The following PIK3CA variants were observed in gnomAD, a reference collection of about 807,000 sequenced individuals.
The protein encoded by PIK3CA is phosphatidylinositol-4,5-bisphosphate 3-kinase catalytic subunit alpha.
Under a neutral mutation model 138.2 loss-of-function variants are expected in PIK3CA, and 27 were observed. The ratio of observed to expected loss-of-function variants is 0.20; its 90% CI spans 0.14 to 0.27. The LOEUF is 0.27. PIK3CA is among the 10% of genes least tolerant of loss of function. PIK3CA has a pLI of 1.00. For missense variants in PIK3CA, 544 were observed against 1,277.4 expected (o/e 0.43, Z 8.75); for synonymous variants, 358 against 413.2 (o/e 0.87, Z 1.62).
chr3:179,234,077 GTTC>G lies in PIK3CA; in HGVS notation c.2937-14_2937-12del, dbSNP rs761693033. On this transcript the variant is annotated splice_polypyrimidine_tract_variant and intron_variant, in intron 20 of 20. Transcript: ENST00000263967. This position sits in a 1 kb window ranked among gnomAD's most constrained non-coding sequence, Gnocchi z 5.1. ...TCATTTGCTCCAAACTGACCAAACT[GTTC>G]TTATTACTTATAGGTTTCAGGAGAT... 36 of 1,584,690 alleles carry G rather than the reference GTTC, an allele frequency of 2.3e-5. No homozygotes were observed. The highest frequency in any genetic ancestry group is 1.1e-4 in the African/African-American group (8 of 74,126).
chr3:179,224,881 GAT>G (rs764116522), intron 16 of PIK3CA, 60 bp downstream of exon 16: 11 of 1,228,552 alleles, frequency 9.0e-6, no homozygotes, highest in Non-Finnish European at 1.3e-5. Flanking sequence ...TTATACACAG[GAT>G]ATTTATGAAC....
chr3:179,157,196 T>G (rs1723159109), intron 1 of PIK3CA, among the ~76,000 whole-genome samples: 1 of 152,192 alleles, frequency 6.6e-6, no homozygotes, highest in Admixed American at 6.5e-5. Flanking sequence ...AATGTCATTT[T>G]AAAGTTATAT....
intron 1 of PIK3CA, among the ~76,000 whole-genome samples, chr3:179,166,692 T>G (rs1723428899): frequency 6.6e-6 from 1 of 152,220 alleles, no homozygotes; most frequent in South Asian, 2.1e-4. Context: ...CTGCAACAAT[T>G]AAGGCAAACA....
intron 1 of PIK3CA, among the ~76,000 whole-genome samples, chr3:179,188,307 T>C (rs762600306): frequency 2.0e-5 from 3 of 152,232 alleles, no homozygotes; most frequent in Non-Finnish European, 4.4e-5. Context: ...TTAGCTTTTG[T>C]CCTTTTCTTT....
At chr3:179,164,450 C>G (rs1723364449) in intron 1 of PIK3CA, among the ~76,000 whole-genome samples, 3 of 152,140 alleles carry the variant, frequency 2.0e-5, no homozygotes. Context: ...GGGAAGCACT[C>G]TAGAAAGGAA....
chr3:179,162,139 G>A (rs1420019450), intron 1 of PIK3CA, among the ~76,000 whole-genome samples: 1 of 151,990 alleles, frequency 6.6e-6, no homozygotes, highest in Non-Finnish European at 1.5e-5. Context: ...ACAGAAATCT[G>A]AAACATGATG....
At chr3:179,190,059 C>T (rs1724088345) in intron 1 of PIK3CA, among the ~76,000 whole-genome samples, 1 of 152,158 alleles carries the variant, frequency 6.6e-6, no homozygotes, top group Non-Finnish European at 1.5e-5. Context: ...TACTTGCTTC[C>T]TGTGCATCTC....
At chr3:179,168,875 T>G (rs1723482566) in intron 1 of PIK3CA, among the ~76,000 whole-genome samples, 1 of 152,188 alleles carries the variant, frequency 6.6e-6, no homozygotes, top group African/African-American at 2.4e-5. Context: ...ACCTTTATCA[T>G]GTAACACATT....
intron 4 of PIK3CA, 67 bp downstream of exon 4, chr3:179,201,607 G>C: frequency 1.3e-6 from 1 of 793,694 alleles, no homozygotes; most frequent in Non-Finnish European, 1.8e-6. Flanking sequence ...ATGAGTATCT[G>C]TATTTTTTTT....
chr3:179,183,865 A>G (rs1406261195), intron 1 of PIK3CA, among the ~76,000 whole-genome samples: 2 of 152,210 alleles, frequency 1.3e-5, no homozygotes, highest in Admixed American at 6.5e-5. Context: ...TCCTTGTTGT[A>G]TATTAAATAC....
intron 6 of PIK3CA, among the ~76,000 whole-genome samples, chr3:179,207,549 CTTTT>C (rs199712520): frequency 2.3e-4 from 32 of 141,442 alleles, no homozygotes; most frequent in Non-Finnish European, 4.5e-4. Flanking sequence ...TTTTTCTTTT[CTTTT>C]TTTTTTTTTT....
Position 179,198,759 on chromosome 3 carries a change from T to C in PIK3CA, c.-67T>C. 1.2e-6 allele frequency: 1 copy of C among 864,236 alleles called. No homozygotes were observed. The highest frequency in any genetic ancestry group is 1.8e-6 in the Non-Finnish European group (1 of 570,696). 53.5% of individuals were successfully genotyped at this position (864,236 alleles called of 1,614,324 possible). A position where few individuals can be genotyped will look rare whatever the true frequency, so the allele number is the denominator to read the frequency against. On this transcript the variant is annotated 5_prime_UTR_variant, in exon 2 of 21. Transcript: ENST00000263967. ...TCCTTCTTTGATTTAGGTTTCTGCT[T>C]TGGGACAACCATACATCTAATTCCT...
intron 5 of PIK3CA, 48 bp downstream of exon 5, chr3:179,203,837 T>C (rs372932652): frequency 2.1e-6 from 3 of 1,417,332 alleles, no homozygotes; most frequent in Non-Finnish European, 2.9e-6. Flanking sequence ...TTATTTTAGA[T>C]AACCTTTTTC....
chr3:179,237,704 C>A lies in PIK3CA; in HGVS notation c.*3340C>A. 1 of 211,254 alleles carries A rather than the reference C, an allele frequency of 4.7e-6. No individual in the cohort carries two copies. The highest frequency in any genetic ancestry group is 9.6e-6 in the Non-Finnish European group (1 of 104,120). 13.1% of individuals were successfully genotyped at this position (211,254 alleles called of 1,614,324 possible). A position where few individuals can be genotyped will look rare whatever the true frequency, so the allele number is the denominator to read the frequency against. ...TTTGAAAGGCATCATGGAAATTTCA[C>A]AGCACAATAACACGGATTTGTTTTT... On this transcript the variant is annotated 3_prime_UTR_variant, in exon 21 of 21. Transcript: ENST00000263967.
chr3:179,199,558 G>C, intron 2 of PIK3CA, 132 bp from the exon 3 acceptor site: 1 of 571,946 alleles, frequency 1.7e-6, no homozygotes, highest in South Asian at 3.0e-5. Context: ...TCAAAAATTT[G>C]TTTTAACCTA....
rs1722910390 is a variant in PIK3CA at position 179,148,438 on chromosome 3, C to G, written c.-242C>G. On this transcript the variant is annotated 5_prime_UTR_variant, in exon 1 of 21. Coordinates refer to ENST00000263967, the MANE Select transcript of PIK3CA (RefSeq NM_006218.4). ...CTGGGACTGGGGCTGGGGCCGCCGG[C>G]GAGGCAGGGCTCGGGCCCGGCCGGG... The G allele has an allele frequency of 6.7e-6, 1 of 150,178 alleles. No homozygotes were observed. The highest frequency in any genetic ancestry group is 6.6e-5 in the Admixed American group (1 of 15,078). 9.3% of individuals were successfully genotyped at this position (150,178 alleles called of 1,614,324 possible). A position where few individuals can be genotyped will look rare whatever the true frequency, so the allele number is the denominator to read the frequency against.
At chr3:179,228,019 A>G (rs979488702) in intron 17 of PIK3CA, among the ~76,000 whole-genome samples, 1 of 152,084 alleles carries the variant, frequency 6.6e-6, no homozygotes, top group African/African-American at 2.4e-5. Context: ...TAGGCAAGCT[A>G]TGGTTATTCA....
chr3:179,229,490 G>C (rs760316116), intron 18 of PIK3CA, 48 bp downstream of exon 18: 2 of 1,457,810 alleles, frequency 1.4e-6, no homozygotes, highest in South Asian at 2.5e-5. Flanking sequence ...GTTTTTGTTA[G>C]ATGAGTCTGT....
intron 20 of PIK3CA, among the ~76,000 whole-genome samples, chr3:179,231,630 CTTTTTTT>C (rs144349648): frequency 6.0e-5 from 3 of 50,384 alleles, no homozygotes; most frequent in South Asian, 8.9e-4. Context: ...CCTTAGCCCA[CTTTTTTT>C]TTTTTTTTTT....
Sources: allele counts gnomAD v4.1 joint callset (sites outside exome capture counted in the v4.1 genomes callset), GRCh38; gene constraint gnomAD v4.1.1; non-coding constraint Gnocchi (gnomAD v3.1); transcripts MANE v1.5; gene names NCBI Gene and HGNC (gene_info 2026-07-23, HGNC 2026-07-21).